Variants in YEATS2 observed in about 807,000 individuals in gnomAD.
YEATS2 encodes the protein YEATS domain containing 2.
Under a neutral mutation model 163.2 loss-of-function variants are expected in YEATS2, and 77 were observed. That is an observed-to-expected ratio of 0.47 (90% CI 0.39 to 0.57). The LOEUF (loss-of-function observed/expected upper bound fraction) is 0.57. Among genes scored for constraint, YEATS2 ranks in the 20% least tolerant of loss-of-function variants. YEATS2 has a pLI of 0.00. For missense variants in YEATS2, 1,549 were observed against 1,729.8 expected, an observed-to-expected ratio of 0.90 and a Z score of 1.85; for synonymous variants, 631 against 645.1, an observed-to-expected ratio of 0.98 and a Z score of 0.33.
chr3:183,715,609 A>G (rs1428203716), intron 2 of YEATS2, among the ~76,000 whole-genome samples: 1 of 152,186 alleles, frequency 6.6e-6, no homozygotes, highest in Non-Finnish European at 1.5e-5. Context: ...TTTTAATTTT[A>G]ATAGGTAACA....
At chr3:183,781,928 A>T (rs945952413) in intron 19 of YEATS2, among the ~76,000 whole-genome samples, 1 of 151,634 alleles carries the variant, frequency 6.6e-6, no homozygotes, top group Admixed American at 6.6e-5. Context: ...TTTTTTTTCT[A>T]TCACCATTTT....
intron 21 of YEATS2, among the ~76,000 whole-genome samples, chr3:183,791,809 C>G (rs1193960121): frequency 6.6e-6 from 1 of 152,148 alleles, no homozygotes; most frequent in Non-Finnish European, 1.5e-5. Context: ...GTCTTTGTGC[C>G]TGCACTAGAG....
At chr3:183,800,177 A>G (rs1725538464) in intron 23 of YEATS2, among the ~76,000 whole-genome samples, 1 of 152,144 alleles carries the variant, frequency 6.6e-6, no homozygotes, top group Non-Finnish European at 1.5e-5. Context: ...GGAGTGAGGA[A>G]TCTTACATAG....
Position 183,807,026 on chromosome 3 carries a change from A to G in YEATS2, c.3945A>G (p.Gln1315=). 1.2e-6 allele frequency: 2 copies of G among 1,614,222 alleles called. No individual in the cohort carries two copies. Among genetic ancestry groups the G allele is most frequent in the Non-Finnish European group, 1.7e-6 (2 of 1,180,044 alleles). ...TCAAGAAGGAGCAGGAAGAGAAACAAGAGGAAGTCAAGTTCTACCTGCCAC... is the reference window on the plus strand; with the variant it reads ...TCAAGAAGGAGCAGGAAGAGAAACAGGAGGAAGTCAAGTTCTACCTGCCAC... ...INIKKEQEEK[Q]EEVKFYLPPT... The change falls in exon 28 of 31, where the codon CAA becomes CAG. Residue 1315 remains glutamine (Q), a synonymous_variant. Transcript: ENST00000305135.
chr3:183,759,294 C>T (rs970556394), intron 13 of YEATS2, among the ~76,000 whole-genome samples: 5 of 152,210 alleles, frequency 3.3e-5, no homozygotes, highest in African/African-American at 1.2e-4. Flanking sequence ...CTTGGATCTA[C>T]TCCAGACTTT....
chr3:183,767,355 G>C (rs1213671067), intron 15 of YEATS2, among the ~76,000 whole-genome samples: 1 of 151,514 alleles, frequency 6.6e-6, no homozygotes, highest in East Asian at 1.9e-4. Context: ...CCTTAGCTGG[G>C]ATCGCAGGCC....
intron 7 of YEATS2, among the ~76,000 whole-genome samples, chr3:183,732,750 T>C (rs896217188): frequency 6.6e-6 from 1 of 151,682 alleles, no homozygotes; most frequent in African/African-American, 2.4e-5. Context: ...TTAGTAGAGA[T>C]GGGGTTTCAC....
chr3:183,723,288 A>G (rs1716728879), intron 5 of YEATS2, among the ~76,000 whole-genome samples: 1 of 152,198 alleles, frequency 6.6e-6, no homozygotes, highest in South Asian at 2.1e-4. Flanking sequence ...ATATTTGGCT[A>G]TAGAGTCATT....
intron 6 of YEATS2, among the ~76,000 whole-genome samples, chr3:183,727,938 A>G (rs575242354): frequency 9.5e-5 from 13 of 137,098 alleles, no homozygotes; most frequent in African/African-American, 2.9e-4. Context: ...TCTGGCAGGA[A>G]AAACAAGTTT....
At chr3:183,699,260 G>A (rs1713812261) in intron 1 of YEATS2, among the ~76,000 whole-genome samples, 1 of 152,000 alleles carries the variant, frequency 6.6e-6, no homozygotes. Flanking sequence ...GCTGTTTACT[G>A]AGATGAAGAA....
At chr3:183,728,618 G>A (rs1717378238) in intron 6 of YEATS2, 72 bp from the exon 7 acceptor site, 1 of 1,370,090 alleles carries the variant, frequency 7.3e-7, no homozygotes, top group Middle Eastern at 2.0e-4. Flanking sequence ...TTAAGTTTAA[G>A]TAGGACTTAA....
chr3:183,733,782 C>T (rs1216909481), intron 7 of YEATS2, among the ~76,000 whole-genome samples: 1 of 151,928 alleles, frequency 6.6e-6, no homozygotes, highest in African/African-American at 2.4e-5. Flanking sequence ...CTTTCTTCCA[C>T]GTTTGTTCAG....
chr3:183,731,428 A>G (rs565907220), intron 7 of YEATS2, among the ~76,000 whole-genome samples: 3 of 152,274 alleles, frequency 2.0e-5, no homozygotes, highest in South Asian at 4.1e-4. Context: ...AAAGGATGGG[A>G]TTAAAAACTA....
intron 15 of YEATS2, among the ~76,000 whole-genome samples, chr3:183,768,374 G>A (rs1409305579): frequency 2.0e-5 from 3 of 152,272 alleles, no homozygotes; most frequent in Middle Eastern, 3.4e-3. Context: ...AAATGGCCAC[G>A]CCTAGGTCTG....
chr3:183,702,694 A>T (rs1233385428), intron 1 of YEATS2, among the ~76,000 whole-genome samples: 1 of 149,842 alleles, frequency 6.7e-6, no homozygotes, highest in Non-Finnish European at 1.5e-5. Flanking sequence ...AAAAAATTAG[A>T]CGTGGTGGTG....
At chr3:183,809,295 C>G in intron 30 of YEATS2, 125 bp downstream of exon 30, 1 of 948,438 alleles carries the variant, frequency 1.1e-6, no homozygotes, top group East Asian at 2.4e-5. Context: ...TTAGGACACT[C>G]TTAGAGCCAG....
intron 21 of YEATS2, chr3:183,792,994 T>A (rs263022): frequency 0.45 from 221,657 of 495,450 alleles, 50,869 homozygotes; most frequent in Middle Eastern, 0.59. Flanking sequence ...AACTTGAAAG[T>A]TCAGTTTTGT....
rs774183344 is a variant in YEATS2 at position 183,803,301 on chromosome 3, A to T, written c.3548A>T (p.Tyr1183Phe). 1 of 1,611,882 alleles carries T rather than the reference A, an allele frequency of 6.2e-7. No individual in the cohort carries two copies. The highest frequency in any genetic ancestry group is 8.5e-7 in the Non-Finnish European group (1 of 1,179,842). Residue 1183 changes from tyrosine to phenylalanine, a missense_variant, in exon 26 of 31, where the codon TAT becomes TTT. Coordinates refer to ENST00000305135, the MANE Select transcript of YEATS2 (RefSeq NM_018023.5). ...CFSAKSVEQY[Y>F]GWNIGKRRAA... ...TCTGCAAAGTCTGTGGAGCAGTACT[A>T]TGGCTGGAACATTGGAAAAAGGAGA...
At chr3:183,725,041 C>CTTTTTTTTTTTTTTTTTT (rs62826962) in intron 6 of YEATS2, among the ~76,000 whole-genome samples, 1 of 87,502 alleles carries the variant, frequency 1.1e-5, no homozygotes, top group African/African-American at 4.4e-5. Context: ...CCGTGCCGGC[C>CTTTTTTTTTTTTTTTTTT]TTTTTTTTTT....
Sources: gnomAD v4.1 joint callset for allele counts (sites outside exome capture counted in the v4.1 genomes callset) on GRCh38, gnomAD v4.1.1 for gene constraint, MANE v1.5 for transcripts, NCBI Gene and HGNC (gene_info 2026-07-23, HGNC 2026-07-21) for gene names.